Variants in SRD5A3 observed in about 807,000 individuals in gnomAD.
The protein encoded by SRD5A3 is steroid 5 alpha-reductase 3.
A neutral mutation model predicts 34.3 loss-of-function variants in SRD5A3; 24 were observed. The ratio of observed to expected loss-of-function variants is 0.70; its 90% CI spans 0.51 to 0.99. SRD5A3 has a LOEUF of 0.99. Among genes scored for constraint, SRD5A3 ranks in the 50% least tolerant of loss-of-function variants. The pLI, the probability that SRD5A3 is intolerant of heterozygous loss-of-function variation, is 0.00. For missense variants in SRD5A3, 350 were observed against 388.2 expected, an observed-to-expected ratio of 0.90 and a Z score of 0.83; for synonymous variants, 161 against 167.3, an observed-to-expected ratio of 0.96 and a Z score of 0.29.
In SRD5A3 at chr4:55,359,470, G is replaced by A. The variant is rs529002297; in HGVS notation, c.346G>A (p.Gly116Arg). ...GCTTCATGGTTTGCTCAGAATTCTC[G>A]GGGCGGCACAGTTCCAGGGTAAGGA... Reference protein sequence around the residue: ...SWLHGLLRILGAAQFQGGELA... With the variant: ...SWLHGLLRILRAAQFQGGELA... The change falls in exon 2 of 5, where the codon GGG becomes AGG. Residue 116 changes from glycine (G) to arginine (R), a missense_variant. By Grantham distance (125) the Gly-to-Arg change is moderately radical. This residue lies in a region of SRD5A3 where 159 missense variants were observed against 149.1 expected (regional missense o/e 1.07). Coordinates refer to ENST00000264228, the MANE Select transcript of SRD5A3 (RefSeq NM_024592.5). 10 of 1,613,832 alleles carry A rather than the reference G, an allele frequency of 6.2e-6. No individual in the cohort carries two copies. In the African/African-American group the frequency reaches 8.0e-5, roughly 13 times the overall value.
chr4:55,353,416 A>G (rs1225679246), intron 1 of SRD5A3, among the ~76,000 whole-genome samples: 5 of 152,152 alleles, frequency 3.3e-5, no homozygotes, highest in Admixed American at 6.6e-5. Context: ...CGGACCAATC[A>G]GCACTCTGTA....
At chr4:55,362,860 T>A (rs1017515526) in intron 2 of SRD5A3, among the ~76,000 whole-genome samples, 12 of 149,456 alleles carry the variant, frequency 8.0e-5, no homozygotes, top group African/African-American at 2.5e-4. Context: ...TTTTTTTTTT[T>A]AATGGAGACA....
intron 1 of SRD5A3, chr4:55,351,753 G>A: frequency 2.2e-6 from 1 of 447,566 alleles, no homozygotes; most frequent in South Asian, 1.8e-5. Flanking sequence ...CATGTGTAAT[G>A]AACTGGCAGC....
chr4:55,363,952 C>T (rs1164505672), intron 2 of SRD5A3, 122 bp from the exon 3 acceptor site: 6 of 1,019,342 alleles, frequency 5.9e-6, no homozygotes, highest in African/African-American at 3.2e-5. Context: ...CCCATTTCTT[C>T]CTTACTACCA....
chr4:55,346,934 T>TC (rs201367750), intron 1 of SRD5A3, among the ~76,000 whole-genome samples: 1,828 of 152,244 alleles, frequency 0.012, 42 homozygotes, highest in African/African-American at 0.041. Flanking sequence ...TTCTCCTTTT[T>TC]CCCGTACCCT....
intron 1 of SRD5A3, among the ~76,000 whole-genome samples, chr4:55,353,601 C>G (rs544085510): frequency 7.9e-5 from 12 of 152,242 alleles, no homozygotes; most frequent in Non-Finnish European, 1.2e-4. Flanking sequence ...CTGCTGCTCA[C>G]TCTTTGGGTC....
rs760463357 is a variant in SRD5A3 at position 55,346,459 on chromosome 4, G to A, written c.123G>A (p.Pro41=). ...LLQLLPPGLL[P]GCAIFQDLIR... is the part of the protein sequence containing the mutation. Reference sequence around the variant, plus strand: ...AGCTCCTGCCGCCCGGCCTGCTCCCGGGCTGCGCGATCTTCCAGGACCTGA... The same window carrying A: ...AGCTCCTGCCGCCCGGCCTGCTCCCAGGCTGCGCGATCTTCCAGGACCTGA... The change falls in exon 1 of 5, where the codon CCG becomes CCA. Residue 41 remains proline (P), a synonymous_variant. Coordinates refer to ENST00000264228, the MANE Select transcript of SRD5A3 (RefSeq NM_024592.5). 4.4e-5 allele frequency: 70 copies of A among 1,607,514 alleles called. No individual in the cohort carries two copies. The highest frequency in any genetic ancestry group is 5.5e-5 in the Non-Finnish European group (65 of 1,177,662).
Position 55,370,213 on chromosome 4 carries a change from AC to A in SRD5A3, c.*126del, listed in dbSNP as rs1306636705. 5 of 1,339,556 alleles carry A rather than the reference AC, an allele frequency of 3.7e-6. No homozygotes were observed. The highest frequency in any genetic ancestry group is 5.3e-6 in the Non-Finnish European group (5 of 950,796). The allele number at this position is 1,339,556 out of a possible 1,614,324, so 83.0% of individuals were successfully genotyped here. ...TTGAAACTCTCCATTCCATTTCTAT[AC>A]CCCACAAGTTTTCACTGAATGAGCA... On this transcript the variant is annotated 3_prime_UTR_variant, in exon 5 of 5. Transcript: ENST00000264228.
chr4:55,367,219 G>C (rs761713012), intron 3 of SRD5A3: 5 of 297,952 alleles, frequency 1.7e-5, no homozygotes, highest in Non-Finnish European at 3.2e-5. Context: ...AAACACAAAG[G>C]AATCTTACCA....
At chr4:55,358,295 C>T (rs1719545796) in intron 1 of SRD5A3, among the ~76,000 whole-genome samples, 2 of 152,018 alleles carry the variant, frequency 1.3e-5, no homozygotes, top group Non-Finnish European at 1.5e-5. Context: ...TTTGGGAAGC[C>T]AAGGTGGGAG....
In SRD5A3 at chr4:55,359,551, G is replaced by C. The variant is rs528244766; in HGVS notation, c.364+63G>C. 1.3e-5 allele frequency: 21 copies of C among 1,608,938 alleles called. No homozygotes were observed. In the South Asian group the frequency reaches 2.3e-4, roughly 18 times the overall value. On this transcript the variant is annotated intron_variant, in intron 2 of 4. Transcript: ENST00000264228. ...GTTTCTGTTGTTCCTGTCTGCAAGG[G>C]AGCAGTTTTTGGCATTTTGTCTCCT... is the stretch of plus-strand genomic sequence containing the variant.
intron 1 of SRD5A3, among the ~76,000 whole-genome samples, chr4:55,354,982 A>G (rs1251727579): frequency 6.6e-6 from 1 of 152,220 alleles, no homozygotes; most frequent in Non-Finnish European, 1.5e-5. Flanking sequence ...GTATTATCCT[A>G]TAAGGATCAC....
At chr4:55,354,401 T>C (rs1719348318) in intron 1 of SRD5A3, among the ~76,000 whole-genome samples, 1 of 152,130 alleles carries the variant, frequency 6.6e-6, no homozygotes, top group African/African-American at 2.4e-5. Context: ...GGCCAGCAAA[T>C]ATGTATTAAT....
rs892372396 is a variant in SRD5A3, at chr4:55,357,384, C to T, written c.222-1962C>T. On this transcript the variant is annotated intron_variant, in intron 1 of 4. Coordinates refer to ENST00000264228, the MANE Select transcript of SRD5A3 (RefSeq NM_024592.5). ...AAATTGTCCTTCAGAAGCTATCCCT[C>T]CTGCCTTTTCCTGGGAGCCTGCAGA... 7.9e-5 allele frequency among the ~76,000 whole-genome samples: 12 copies of T among 152,374 alleles called. No homozygotes were observed. In the East Asian group the frequency reaches 2.3e-3, roughly 29 times the overall value.
At position 55,346,460 on chromosome 4, in the gene SRD5A3, G is replaced by A. The variant is rs145649665; in HGVS notation, c.124G>A (p.Gly42Ser). 57 of 1,607,794 alleles carry A rather than the reference G, an allele frequency of 3.5e-5. No individual in the cohort carries two copies. Among genetic ancestry groups the A allele is most frequent in the Non-Finnish European group, 4.7e-5 (55 of 1,177,764 alleles). ...LQLLPPGLLP[G>S]CAIFQDLIRY... is the part of the protein sequence containing the mutation. Reference sequence around the variant, plus strand: ...GCTCCTGCCGCCCGGCCTGCTCCCGGGCTGCGCGATCTTCCAGGACCTGAT... The same window carrying A: ...GCTCCTGCCGCCCGGCCTGCTCCCGAGCTGCGCGATCTTCCAGGACCTGAT... The change falls in exon 1 of 5, where the codon GGC becomes AGC. Residue 42 changes from glycine to serine, a missense_variant. Transcript: ENST00000264228.
chr4:55,360,564 G>GA (rs113125537), intron 2 of SRD5A3, among the ~76,000 whole-genome samples: 1 of 151,892 alleles, frequency 6.6e-6, no homozygotes, highest in Non-Finnish European at 1.5e-5. Context: ...GATAAACATG[G>GA]AAAAAAAGTT....
chr4:55,359,574 C>G (rs1719601030), intron 2 of SRD5A3, 86 bp downstream of exon 2: 1 of 1,564,322 alleles, frequency 6.4e-7, no homozygotes, highest in African/African-American at 1.4e-5. Context: ...CATTTTGTCT[C>G]CTCTCTCGGC....
intron 1 of SRD5A3, among the ~76,000 whole-genome samples, chr4:55,347,515 A>G (rs1163668180): frequency 6.6e-6 from 1 of 152,208 alleles, no homozygotes; most frequent in Non-Finnish European, 1.5e-5. Flanking sequence ...CTGTAGTGCC[A>G]GCTACTTGGA....
chr4:55,360,422 C>T (rs1011311272), intron 2 of SRD5A3, among the ~76,000 whole-genome samples: 9 of 151,760 alleles, frequency 5.9e-5, no homozygotes, highest in African/African-American at 2.2e-4. Flanking sequence ...AGGAGAATCG[C>T]TTGAACCTGG....
Sources: allele counts gnomAD v4.1 joint callset (sites outside exome capture counted in the v4.1 genomes callset), GRCh38; gene constraint gnomAD v4.1.1; regional missense constraint gnomAD v4.1.1; transcripts MANE v1.5; gene names NCBI Gene and HGNC (gene_info 2026-07-23, HGNC 2026-07-21).